The following CPSF2 variants were observed in gnomAD, a reference collection of about 807,000 sequenced individuals.
CPSF2 encodes cleavage and polyadenylation specific factor 2, also known as cleavage and polyadenylation specificity factor subunit 2.
In CPSF2, 51 loss-of-function variants were observed where a neutral mutation model predicts 84.2. The ratio of observed to expected loss-of-function variants is 0.61; its 90% CI spans 0.48 to 0.77. The LOEUF (loss-of-function observed/expected upper bound fraction) is 0.77, where lower values mean the gene tolerates loss of function less well. Among genes scored for constraint, CPSF2 ranks in the 30% least tolerant of loss-of-function variants. The pLI, the probability that CPSF2 is intolerant of heterozygous loss-of-function variation, is 0.00. For synonymous variants in CPSF2, 286 were observed against 311.9 expected (o/e 0.92, Z 0.87); for missense variants, 641 against 929.4 (o/e 0.69, Z 4.03).
In CPSF2 at chr14:92,168,527, C is replaced by G. The variant is rs1206094276; in HGVS notation, c.*6783C>G. 1 of 152,140 alleles carries G rather than the reference C, an allele frequency of 6.6e-6. No homozygotes were observed. The highest frequency in any genetic ancestry group is 2.4e-5 in the African/African-American group (1 of 41,414). The allele number at this position is 152,140 out of a possible 1,614,324, so 9.4% of individuals were successfully genotyped here. A position where few individuals can be genotyped will look rare whatever the true frequency, so the allele number is the denominator to read the frequency against. On this transcript the variant is annotated 3_prime_UTR_variant, in exon 16 of 16. Transcript: ENST00000298875. ...GCTCTATTTTTTGGTGCTTTTCGTT[C>G]ATTATTCACTCCATTTCATTTTAGC...
rs907840977 is a variant in CPSF2 at position 92,163,534 on chromosome 14, G to A, written c.*1790G>A. 3 of 152,534 alleles carry A rather than the reference G, an allele frequency of 2.0e-5. No homozygotes were observed. Among genetic ancestry groups the A allele is most frequent in the Non-Finnish European group, 4.4e-5 (3 of 68,034 alleles). The allele number at this position is 152,534 out of a possible 1,614,324, so 9.4% of individuals were successfully genotyped here. A position where few individuals can be genotyped will look rare whatever the true frequency, so the allele number is the denominator to read the frequency against. The stretch of plus-strand genomic sequence containing the variant: ...TTTGTTTTATGATTTAAAGCATCTG[G>A]TTTGCATATTGTATTGTAATACTGA... On this transcript the variant is annotated 3_prime_UTR_variant, in exon 16 of 16. Transcript: ENST00000298875.
intron 9 of CPSF2, among the ~76,000 whole-genome samples, chr14:92,150,951 G>A (rs559140511): frequency 1.3e-5 from 2 of 152,280 alleles, no homozygotes; most frequent in African/African-American, 2.4e-5. Flanking sequence ...AAAGACTTCT[G>A]ATAAGATTGG....
chr14:92,147,904 T>G (rs1384084755), intron 9 of CPSF2, among the ~76,000 whole-genome samples: 1 of 152,070 alleles, frequency 6.6e-6, no homozygotes, highest in Non-Finnish European at 1.5e-5. Flanking sequence ...AAAAAAAAAT[T>G]TATAGAGATG....
intron 1 of CPSF2, among the ~76,000 whole-genome samples, chr14:92,125,710 GT>G (rs2068837604): frequency 6.6e-6 from 1 of 151,984 alleles, no homozygotes; most frequent in South Asian, 2.1e-4. Context: ...TTCCAGGCTA[GT>G]TTTTTCACTG....
chr14:92,132,089 C>T (rs1442779270), intron 3 of CPSF2, among the ~76,000 whole-genome samples: 2 of 152,050 alleles, frequency 1.3e-5, no homozygotes, highest in African/African-American at 2.4e-5. Flanking sequence ...AAGTATGTGG[C>T]CATATAAATA....
At chr14:92,155,344 T>C in intron 11 of CPSF2, 21 bp downstream of exon 11, 1 of 1,576,918 alleles carries the variant, frequency 6.3e-7, no homozygotes, top group Non-Finnish European at 8.7e-7. Flanking sequence ...AAAACAAACT[T>C]TTCTCTCTTA....
rs1240609066 is a variant in CPSF2, at chr14:92,133,910, C to T, written c.150-101C>T. 17 of 1,200,768 alleles carry T rather than the reference C, an allele frequency of 1.4e-5. No homozygotes were observed. In the East Asian group the frequency reaches 4.0e-4, roughly 28 times the overall value. 74.4% of individuals were successfully genotyped at this position (1,200,768 alleles called of 1,614,324 possible). A position where few individuals can be genotyped will look rare whatever the true frequency, so the allele number is the denominator to read the frequency against. On this transcript the variant is annotated intron_variant, in intron 3 of 15. Transcript: ENST00000298875. ...TAGCTCTTAGTTTTGCTCTTCTGCC[C>T]CAGTGTAGTCTTCAATCCAGAATTG...
intron 9 of CPSF2, among the ~76,000 whole-genome samples, chr14:92,148,096 A>G (rs569152177): frequency 6.6e-6 from 1 of 152,216 alleles, no homozygotes; most frequent in East Asian, 1.9e-4. Context: ...TTTTGTTTTT[A>G]CTTGTCTCCC....
In CPSF2 at chr14:92,159,843, C is replaced by A. The variant is rs1477210655; in HGVS notation, c.2121+561C>A. 4.0e-5 allele frequency among the ~76,000 whole-genome samples: 6 copies of A among 150,716 alleles called. No homozygotes were observed. In the East Asian group the frequency reaches 7.8e-4, roughly 20 times the overall value. The stretch of plus-strand genomic sequence containing the variant: ...AATCTTTTAAGGTACATAATTGTTT[C>A]ATGATTTTTTTTTTTTGGTCTGGAT... On this transcript the variant is annotated intron_variant, in intron 14 of 15. Coordinates refer to ENST00000298875, the MANE Select transcript of CPSF2 (RefSeq NM_017437.3).
chr14:92,134,006 T>C lies in CPSF2; in HGVS notation c.150-5T>C. On this transcript the variant is annotated splice_region_variant and splice_polypyrimidine_tract_variant and intron_variant, in intron 3 of 15. Coordinates refer to ENST00000298875, the MANE Select transcript of CPSF2 (RefSeq NM_017437.3). ...GAAGTAGTCCTTTGGATTGTGTTCT[T>C]GTAGGCATGTTCACCAGATTGATGC... The C allele has an allele frequency of 1.2e-6, 2 of 1,613,890 alleles. No homozygotes were observed. The highest frequency in any genetic ancestry group is 1.7e-6 in the Non-Finnish European group (2 of 1,179,914).
At chr14:92,147,971 C>T (rs2069164548) in intron 9 of CPSF2, among the ~76,000 whole-genome samples, 1 of 152,220 alleles carries the variant, frequency 6.6e-6, no homozygotes, top group African/African-American at 2.4e-5. Context: ...ACAATTCTCC[C>T]ACCTTGGCCT....
intron 1 of CPSF2, among the ~76,000 whole-genome samples, chr14:92,124,201 A>C (rs2068816632): frequency 6.6e-6 from 1 of 152,212 alleles, no homozygotes; most frequent in South Asian, 2.1e-4. Flanking sequence ...CTTGGTTTCC[A>C]ATAGGGAGTT....
chr14:92,135,091 C>G (rs1439998848), intron 5 of CPSF2, among the ~76,000 whole-genome samples: 1 of 152,150 alleles, frequency 6.6e-6, no homozygotes, highest in Non-Finnish European at 1.5e-5. Flanking sequence ...TAATAGTGTA[C>G]TAGCTTTTAA....
At position 92,169,322 on chromosome 14, in the gene CPSF2, C is replaced by G. The variant is rs1247677231; in HGVS notation, c.*7578C>G. 6.6e-6 allele frequency: 1 copy of G among 152,170 alleles called. No individual in the cohort carries two copies. Among genetic ancestry groups the G allele is most frequent in the Non-Finnish European group, 1.5e-5 (1 of 68,054 alleles). 9.4% of individuals were successfully genotyped at this position (152,170 alleles called of 1,614,324 possible). A position where few individuals can be genotyped will look rare whatever the true frequency, so the allele number is the denominator to read the frequency against. On this transcript the variant is annotated 3_prime_UTR_variant, in exon 16 of 16. Coordinates refer to ENST00000298875, the MANE Select transcript of CPSF2 (RefSeq NM_017437.3). The stretch of plus-strand genomic sequence containing the variant: ...TTGTTACTACATGACCCCCCCACAC[C>G]CCCTAAAAAAGAAAAAGGACTTTAA...
chr14:92,142,343 A>C lies in CPSF2; in HGVS notation c.841A>C (p.Lys281Gln). The change falls in exon 8 of 16, where the codon AAG becomes CAG. Residue 281 changes from lysine (K) to glutamine (Q), a missense_variant. Transcript: ENST00000298875. ...NVSYNVVEFS[K>Q]SQVEWMSDKL... Reference sequence around the variant, plus strand: ...CAGTTACAATGTGGTGGAGTTTTCTAAGTCCCAGGTTTGTTCTCATGTTGT... The same window carrying C: ...CAGTTACAATGTGGTGGAGTTTTCTCAGTCCCAGGTTTGTTCTCATGTTGT... The C allele has an allele frequency of 6.2e-7, 1 of 1,611,066 alleles. No homozygotes were observed. The highest frequency in any genetic ancestry group is 8.5e-7 in the Non-Finnish European group (1 of 1,178,056).
At position 92,155,304 on chromosome 14, in the gene CPSF2, G is replaced by A; in HGVS notation, c.1423G>A (p.Glu475Lys). The A allele has an allele frequency of 6.2e-7, 1 of 1,613,848 alleles. No individual in the cohort carries two copies. The highest frequency in any genetic ancestry group is 1.3e-5 in the African/African-American group (1 of 75,052). The change falls in exon 11 of 16, where the codon GAA becomes AAA. Residue 475 changes from glutamate (E) to lysine (K), a missense_variant. Physicochemically the swap from Glu to Lys is moderately conservative, Grantham distance 56. Transcript: ENST00000298875. ...PAPEERIKWD[E>K]YGEIIKPEDF... ...CCCAGAAGAAAGAATTAAATGGGATGAATATGGAGAGATTATCAAGTATGT... is the reference window on the plus strand; with the variant it reads ...CCCAGAAGAAAGAATTAAATGGGATAAATATGGAGAGATTATCAAGTATGT...
chr14:92,138,345 T>G lies in CPSF2; in HGVS notation c.659T>G (p.Leu220Arg). The change falls in exon 7 of 16, where the codon CTG (leucine) becomes CGG (arginine). Residue 220 changes from leucine to arginine, a missense_variant and splice_region_variant. Physicochemically the swap from Leu to Arg is moderately radical, Grantham distance 102. Around this residue, in one of 2 missense-constraint regions of CPSF2, gnomAD observed 211 missense variants for 375.7 expected, o/e 0.56. Transcript: ENST00000298875. Reference sequence around the variant, plus strand: ...AGAAAACAGAGAGATGAGCAGCTTCTGAGTACGTATTCTTTCACGTCCTTA... The same window carrying G: ...AGAAAACAGAGAGATGAGCAGCTTCGGAGTACGTATTCTTTCACGTCCTTA... ...PRRKQRDEQL[L>R]TNVLETLRGD... The G allele has an allele frequency of 6.8e-7, 1 of 1,474,450 alleles. No homozygotes were observed. Among genetic ancestry groups the G allele is most frequent in the Non-Finnish European group, 9.3e-7 (1 of 1,077,182 alleles). 91.3% of individuals were successfully genotyped at this position (1,474,450 alleles called of 1,614,324 possible).
chr14:92,156,621 A>G lies in CPSF2; in HGVS notation c.1585A>G (p.Ile529Val). Residue 529 changes from isoleucine (I) to valine (V), a missense_variant, in exon 12 of 16, where the codon ATT becomes GTT. By Grantham distance (29) the Ile-to-Val change is conservative. Coordinates refer to ENST00000298875, the MANE Select transcript of CPSF2 (RefSeq NM_017437.3). ...PTKCISTTES[I>V]EIKARVTYID... ...TAAATGTATTTCTACAACAGAGTCT[A>G]TTGAAATAAAGTAAGTGCTTTTGTG... is the stretch of plus-strand genomic sequence containing the variant. The G allele has an allele frequency of 1.3e-6, 2 of 1,567,624 alleles. No individual in the cohort carries two copies. The highest frequency in any genetic ancestry group is 1.2e-5 in the South Asian group (1 of 83,600).
At chr14:92,148,906 AT>A (rs1264469462) in intron 9 of CPSF2, among the ~76,000 whole-genome samples, 1 of 152,162 alleles carries the variant, frequency 6.6e-6, no homozygotes, top group Non-Finnish European at 1.5e-5. Context: ...GTAAGAAGAT[AT>A]GGGTCTACCT....
Sources: allele counts gnomAD v4.1 joint callset (sites outside exome capture counted in the v4.1 genomes callset), GRCh38; gene constraint gnomAD v4.1.1; regional missense constraint gnomAD v4.1.1; transcripts MANE v1.5; gene names NCBI Gene and HGNC (gene_info 2026-07-23, HGNC 2026-07-21).